The following DNMT1 variants were observed in gnomAD, a reference collection of about 807,000 sequenced individuals.
DNMT1 encodes DNA methyltransferase 1, also known as DNA (cytosine-5)-methyltransferase 1.
In DNMT1, 24 loss-of-function variants were observed where a neutral mutation model predicts 205.3. The observed-to-expected ratio is 0.12, with a 90% CI of 0.08 to 0.16. DNMT1 has a LOEUF of 0.16. Ranked by LOEUF, DNMT1 falls within the 10% of genes least tolerant of loss-of-function variation. The pLI is 1.00. For missense variants in DNMT1, 1,293 were observed against 2,177.7 expected (o/e 0.59, Z 8.09); for synonymous variants, 817 against 839.8 (o/e 0.97, Z 0.47).
intron 22 of DNMT1, among the ~76,000 whole-genome samples, chr19:10,152,371 A>C (rs1025672661): frequency 1.3e-5 from 2 of 150,362 alleles, no homozygotes; most frequent in African/African-American, 4.9e-5. Context: ...TACCTGAACC[A>C]GTACATTGGG....
In DNMT1 at chr19:10,151,735, C is replaced by T. The variant is rs1185489038; in HGVS notation, c.2117+15G>A. 6.2e-7 allele frequency: 1 copy of T among 1,613,964 alleles called. No homozygotes were observed. The highest frequency in any genetic ancestry group is 1.3e-5 in the African/African-American group (1 of 74,932). Reference sequence around the variant, plus strand: ...CAAGTCCTCTGCCACAGGAGGAAGACTCGGCCTGACCTACCTCCGCTCTTG... The same window carrying T: ...CAAGTCCTCTGCCACAGGAGGAAGATTCGGCCTGACCTACCTCCGCTCTTG... On this transcript the variant is annotated intron_variant, in intron 23 of 40. Transcript: ENST00000359526. The surrounding 1 kb of genome is among the most constrained non-coding windows in gnomAD (Gnocchi z 5.0).
rs1005431710 is a variant in DNMT1, at chr19:10,156,324, G to A, written c.1399+67C>T. ...AGACCCCCAAAGTGCTAGGATTACAGATGTGAGCCACCCTGCCTGGCTGTT... is the reference window on the plus strand; with the variant it reads ...AGACCCCCAAAGTGCTAGGATTACAAATGTGAGCCACCCTGCCTGGCTGTT... On this transcript the variant is annotated intron_variant, in intron 18 of 40. Coordinates refer to ENST00000359526, the MANE Select transcript of DNMT1 (RefSeq NM_001130823.3). This position sits in a 1 kb window ranked among gnomAD's most constrained non-coding sequence, Gnocchi z 4.2. The A allele has an allele frequency of 4.6e-6, 6 of 1,302,586 alleles. No homozygotes were observed. Among genetic ancestry groups the A allele is most frequent in the Non-Finnish European group, 5.5e-6 (5 of 901,284 alleles). 80.7% of individuals were successfully genotyped at this position (1,302,586 alleles called of 1,614,324 possible).
Position 10,154,140 on chromosome 19 carries a change from G to C in DNMT1, c.2019+153C>G, listed in dbSNP as rs2145306530. ...CTATTGACGTTCAATGAAGTATGCAGGGTCCTCCCAGACCACTAACTAATT... is the reference window on the plus strand; with the variant it reads ...CTATTGACGTTCAATGAAGTATGCACGGTCCTCCCAGACCACTAACTAATT... On this transcript the variant is annotated intron_variant, in intron 22 of 40. Coordinates refer to ENST00000359526, the MANE Select transcript of DNMT1 (RefSeq NM_001130823.3). The surrounding 1 kb of genome is among the most constrained non-coding windows in gnomAD (Gnocchi z 6.3). Among the ~76,000 whole-genome samples the C allele has an allele frequency of 6.6e-6, 1 of 152,256 alleles. No homozygotes were observed. The highest frequency in any genetic ancestry group is 2.1e-4 in the South Asian group (1 of 4,820).
At chr19:10,168,690 C>G (rs943795102) in intron 9 of DNMT1, among the ~76,000 whole-genome samples, 1 of 148,048 alleles carries the variant, frequency 6.8e-6, no homozygotes, top group Non-Finnish European at 1.5e-5. Flanking sequence ...TCCTCTACTA[C>G]TTGTCATCAG....
At chr19:10,170,468 GTC>G (rs981315242) in intron 9 of DNMT1, among the ~76,000 whole-genome samples, 1 of 151,998 alleles carries the variant, frequency 6.6e-6, no homozygotes, top group African/African-American at 2.4e-5. Context: ...GTGAACCCCT[GTC>G]TCTACTAAAA....
Position 10,140,542 on chromosome 19 carries a change from G to A in DNMT1, c.3524-214C>T. 1.1e-6 allele frequency: 1 copy of A among 907,630 alleles called. No individual in the cohort carries two copies. The allele number at this position is 907,630 out of a possible 1,614,324, so 56.2% of individuals were successfully genotyped here. Reference sequence around the variant, plus strand: ...ACACCACCACGCCCAGCTAATTTTTGTATTCTTATTAGAGACGGGGTTTCA... The same window carrying A: ...ACACCACCACGCCCAGCTAATTTTTATATTCTTATTAGAGACGGGGTTTCA... On this transcript the variant is annotated intron_variant, in intron 32 of 40. Coordinates refer to ENST00000359526, the MANE Select transcript of DNMT1 (RefSeq NM_001130823.3). The surrounding 1 kb of genome is among the most constrained non-coding windows in gnomAD (Gnocchi z 8.4).
At position 10,137,152 on chromosome 19, in the gene DNMT1, G is replaced by A. The variant is rs1332475576; in HGVS notation, c.4422C>T (p.Thr1474=). ...DGTMARKLRY[T]HHDRKNGRSS... Reference sequence around the variant, plus strand: ...TGCGGCCGTTCTTCCTGTCATGGTGGGTATACCGCAGCTTCCTGGCCATGG... The same window carrying A: ...TGCGGCCGTTCTTCCTGTCATGGTGAGTATACCGCAGCTTCCTGGCCATGG... The change falls in exon 37 of 41, where the codon ACC becomes ACT. Residue 1474 remains threonine, a synonymous_variant. Transcript: ENST00000359526. This position sits in a 1 kb window ranked among gnomAD's most constrained non-coding sequence, Gnocchi z 6.4. The A allele has an allele frequency of 1.2e-5, 19 of 1,610,238 alleles. No homozygotes were observed. The highest frequency in any genetic ancestry group is 2.7e-5 in the African/African-American group (2 of 74,896).
intron 28 of DNMT1, chr19:10,144,478 G>A (rs1010971622): frequency 2.7e-5 from 6 of 223,136 alleles, no homozygotes; most frequent in East Asian, 1.1e-4. Flanking sequence ...CACCCTCTGC[G>A]CATTACTGGC....
At chr19:10,182,641 TATAC>T (rs1187543379) in intron 1 of DNMT1, among the ~76,000 whole-genome samples, 1 of 151,342 alleles carries the variant, frequency 6.6e-6, no homozygotes, top group Non-Finnish European at 1.5e-5. Context: ...CACACACATA[TATAC>T]ATACATACAT....
In DNMT1 at chr19:10,173,191, C is replaced by G. The variant is rs2038860251; in HGVS notation, c.684-17G>C. On this transcript the variant is annotated splice_polypyrimidine_tract_variant and intron_variant, in intron 8 of 40. Coordinates refer to ENST00000359526, the MANE Select transcript of DNMT1 (RefSeq NM_001130823.3). ...CTAGCAACTCTGTCAAGCAAAATAA[C>G]ACAGACCCCAAGTGTGAGTGCCAGG... The G allele has an allele frequency of 1.9e-6, 3 of 1,614,080 alleles. No individual in the cohort carries two copies. Among genetic ancestry groups the G allele is most frequent in the Non-Finnish European group, 1.7e-6 (2 of 1,179,954 alleles).
intron 5 of DNMT1, among the ~76,000 whole-genome samples, chr19:10,178,215 C>G (rs1466130618): frequency 6.6e-6 from 1 of 151,536 alleles, no homozygotes; most frequent in African/African-American, 2.4e-5. Flanking sequence ...CGAGATTGTG[C>G]CACTGCACTC....
In DNMT1 at chr19:10,140,579, A is replaced by G. The variant is rs1252714967; in HGVS notation, c.3523+202T>C. 14 of 987,754 alleles carry G rather than the reference A, an allele frequency of 1.4e-5. No individual in the cohort carries two copies. The Admixed American group carries it at 3.0e-4, about 21-fold the overall frequency. 61.2% of individuals were successfully genotyped at this position (987,754 alleles called of 1,614,324 possible). On this transcript the variant is annotated intron_variant, in intron 32 of 40. Transcript: ENST00000359526. The surrounding 1 kb of genome is among the most constrained non-coding windows in gnomAD (Gnocchi z 8.4). ...GAGACGGGGTTTCACCATGTTGGCC[A>G]GGATGGTCTCAAACTCCTGACCTCA... is the stretch of plus-strand genomic sequence containing the variant.
In DNMT1 at chr19:10,146,372, G is replaced by C; in HGVS notation, c.2873C>G (p.Pro958Arg). The change falls in exon 28 of 41, where the codon CCC becomes CGC. Residue 958 changes from proline (P) to arginine (R), a missense_variant. Around this residue, in one of 13 missense-constraint regions of DNMT1, gnomAD observed 112 missense variants for 116.6 expected, o/e 0.96. Coordinates refer to ENST00000359526, the MANE Select transcript of DNMT1 (RefSeq NM_001130823.3). The surrounding 1 kb of genome is among the most constrained non-coding windows in gnomAD (Gnocchi z 4.4). ...TTACTTGAACGTGAAGGCCTCAGGG[G>C]GCAGGTACACACCATCACCAACTCG... Reference protein sequence around the residue: ...LYRVGDGVYLPPEAFTFNIKL... With the variant: ...LYRVGDGVYLRPEAFTFNIKL... The C allele has an allele frequency of 6.2e-7, 1 of 1,614,008 alleles. No homozygotes were observed. Among genetic ancestry groups the C allele is most frequent in the Non-Finnish European group, 8.5e-7 (1 of 1,180,008 alleles).
intron 10 of DNMT1, among the ~76,000 whole-genome samples, chr19:10,167,983 C>T (rs1348071765): frequency 2.0e-5 from 3 of 151,914 alleles, no homozygotes; most frequent in Non-Finnish European, 4.4e-5. Context: ...ATTAGTTGGG[C>T]ATGGTGGTAC....
At chr19:10,155,741 G>T in intron 19 of DNMT1, 112 bp downstream of exon 19, 1 of 1,126,784 alleles carries the variant, frequency 8.9e-7, no homozygotes, top group Non-Finnish European at 1.3e-6. Context: ...CAGTCACATG[G>T]CCTTCTGCAA....
rs372868127 is a variant in DNMT1 at position 10,136,268 on chromosome 19, G to C, written c.4509C>G (p.Pro1503=). The change falls in exon 38 of 41, where the codon CCC becomes CCG. Residue 1503 remains proline, a synonymous_variant. Transcript: ENST00000359526. ...TGAGGGTGTTGAACTGCCTGGCTGC[G>C]GGGTCGCAGGCTTTGCCGGCTGGAA... ...SCVEAGKACD[P]AARQFNTLIP... 15 of 1,613,944 alleles carry C rather than the reference G, an allele frequency of 9.3e-6. No individual in the cohort carries two copies. The African/African-American group carries it at 9.3e-5, about 10-fold the overall frequency.
chr19:10,176,167 C>CAAA (rs34858632), intron 6 of DNMT1, among the ~76,000 whole-genome samples: 3 of 134,622 alleles, frequency 2.2e-5, no homozygotes, highest in South Asian at 2.3e-4. Flanking sequence ...GACTCCGTAT[C>CAAA]AAAAAAAAAA....
chr19:10,134,937 C>T (rs997759243), intron 39 of DNMT1, among the ~76,000 whole-genome samples: 3 of 138,604 alleles, frequency 2.2e-5, no homozygotes, highest in Non-Finnish European at 3.2e-5. Flanking sequence ...CCCTGGCCGG[C>T]GCAGTGGCTC....
chr19:10,143,154 C>T (rs980057909), intron 29 of DNMT1, among the ~76,000 whole-genome samples: 2 of 152,118 alleles, frequency 1.3e-5, no homozygotes, highest in African/African-American at 2.4e-5. Context: ...GTGGGGACAG[C>T]GGGACAGAAC....
Sources: gnomAD v4.1 joint callset for allele counts (sites outside exome capture counted in the v4.1 genomes callset) on GRCh38, gnomAD v4.1.1 for gene constraint, gnomAD v4.1.1 regional missense constraint, Gnocchi (gnomAD v3.1) non-coding constraint, MANE v1.5 for transcripts, NCBI Gene and HGNC (gene_info 2026-07-23, HGNC 2026-07-21) for gene names.